ARHGAP10: variants seen among roughly 807,000 people sequenced by gnomAD.
The protein encoded by ARHGAP10 is rho GTPase-activating protein 10.
ARHGAP10 carries 87 observed loss-of-function variants against 108.6 expected under a neutral mutation model. That is an observed-to-expected ratio of 0.80 (90% confidence interval 0.67 to 0.96). The LOEUF (loss-of-function observed/expected upper bound fraction) is 0.96, where lower values mean the gene tolerates loss of function less well. Among genes scored for constraint, ARHGAP10 ranks in the 40% least tolerant of loss-of-function variants. The pLI, the probability that ARHGAP10 is intolerant of heterozygous loss-of-function variation, is 0.00. For missense variants in ARHGAP10, 939 were observed against 954.5 expected (o/e 0.98, Z 0.21); for synonymous variants, 347 against 341.1 (o/e 1.02, Z -0.19).
chr4:147,775,450 G>A (rs971861412), intron 1 of ARHGAP10, among the ~76,000 whole-genome samples: 6 of 152,186 alleles, frequency 3.9e-5, no homozygotes, highest in African/African-American at 1.4e-4. Context: ...AGCTTCAGGG[G>A]CCAGTGACAG....
intron 3 of ARHGAP10, among the ~76,000 whole-genome samples, chr4:147,824,797 A>G (rs1419943603): frequency 1.3e-5 from 2 of 152,172 alleles, no homozygotes; most frequent in African/African-American, 4.8e-5. Flanking sequence ...TGTGGGGATT[A>G]TGGAGTTTAC....
chr4:147,788,239 G>A (rs1298520078), intron 1 of ARHGAP10, among the ~76,000 whole-genome samples: 1 of 152,074 alleles, frequency 6.6e-6, no homozygotes, highest in Non-Finnish European at 1.5e-5. Flanking sequence ...GAGGTTAGGA[G>A]TTTGAGACCA....
intron 1 of ARHGAP10, among the ~76,000 whole-genome samples, chr4:147,774,936 C>T (rs1347204024): frequency 4.8e-5 from 7 of 146,974 alleles, no homozygotes; most frequent in African/African-American, 7.7e-5. Flanking sequence ...GACGGAGTTT[C>T]GCCCTTTTGT....
Position 147,939,919 on chromosome 4 carries a change from AT to A in ARHGAP10, c.1303+25del. On this transcript the variant is annotated intron_variant, in intron 14 of 22. Coordinates refer to ENST00000336498, the MANE Select transcript of ARHGAP10 (RefSeq NM_024605.4). ...TGATGGGTATGCCTCTTTTCTAATC[AT>A]TTTTCCATGTGTTATTTGTGTATGT... The A allele has an allele frequency of 1.3e-6, 2 of 1,595,324 alleles. No individual in the cohort carries two copies. The highest frequency in any genetic ancestry group is 1.1e-5 in the South Asian group (1 of 89,966).
In ARHGAP10 at chr4:148,060,454, C is replaced by T. The variant is rs1429529063; in HGVS notation, c.2028-2694C>T. 3.3e-5 allele frequency among the ~76,000 whole-genome samples: 5 copies of T among 151,406 alleles called. No homozygotes were observed. The South Asian group carries it at 1.0e-3, about 32-fold the overall frequency. On this transcript the variant is annotated intron_variant, in intron 20 of 22. Coordinates refer to ENST00000336498, the MANE Select transcript of ARHGAP10 (RefSeq NM_024605.4). ...ACGTGTACTGGCTTTAGATGTGAAC[C>T]CATTACACGACTTAAGTATATTTAC...
chr4:148,052,987 T>C (rs1295739758), intron 20 of ARHGAP10, among the ~76,000 whole-genome samples: 1 of 152,156 alleles, frequency 6.6e-6, no homozygotes, highest in Non-Finnish European at 1.5e-5. Flanking sequence ...TTAGATACCC[T>C]CTTGGCACTT....
intron 18 of ARHGAP10, among the ~76,000 whole-genome samples, chr4:147,968,722 T>C (rs540244952): frequency 6.6e-6 from 1 of 152,376 alleles, no homozygotes; most frequent in Non-Finnish European, 1.5e-5. Context: ...ATAACATTCC[T>C]GACTTCTGCC....
At chr4:147,979,916 A>G (rs1008511730) in intron 18 of ARHGAP10, among the ~76,000 whole-genome samples, 3 of 152,168 alleles carry the variant, frequency 2.0e-5, no homozygotes, top group East Asian at 1.9e-4. Context: ...TGAAGTTGTT[A>G]ATCAGATCTA....
rs913842185 is a variant in ARHGAP10, at chr4:148,047,035, G to A, written c.2011G>A (p.Asp671Asn). The A allele has an allele frequency of 6.2e-7, 1 of 1,614,174 alleles. No individual in the cohort carries two copies. The highest frequency in any genetic ancestry group is 1.6e-4 in the Middle Eastern group (1 of 6,062). Residue 671 changes from aspartate (D) to asparagine (N), a missense_variant, in exon 20 of 23, where the codon GAC (aspartate) becomes AAC (asparagine). Asp to Asn is a conservative substitution (Grantham distance 23, BLOSUM62 1). Coordinates refer to ENST00000336498, the MANE Select transcript of ARHGAP10 (RefSeq NM_024605.4). ...HLLADGGSFG[D>N]WASTIPGQTR... ...TCTGGCAGATGGAGGGAGCTTTGGA[G>A]ACTGGGCATCCACTATGTAAGTAAC...
At chr4:147,795,946 G>T (rs1368024639) in intron 1 of ARHGAP10, among the ~76,000 whole-genome samples, 1 of 152,016 alleles carries the variant, frequency 6.6e-6, no homozygotes, top group Non-Finnish European at 1.5e-5. Flanking sequence ...GCCCACCTCG[G>T]CCTCTCAAAG....
intron 1 of ARHGAP10, among the ~76,000 whole-genome samples, chr4:147,741,792 GCACACA>G (rs112095776): frequency 0.011 from 606 of 57,634 alleles, 7 homozygotes; most frequent in African/African-American, 0.018. Context: ...ACACACACAC[GCACACA>G]CACACACACA....
intron 10 of ARHGAP10, among the ~76,000 whole-genome samples, chr4:147,903,782 G>A (rs547831517): frequency 6.6e-6 from 1 of 152,300 alleles, no homozygotes; most frequent in East Asian, 1.9e-4. Flanking sequence ...TCATGGCTCA[G>A]TAGCTCATTT....
intron 10 of ARHGAP10, among the ~76,000 whole-genome samples, chr4:147,905,940 G>A (rs577230257): frequency 1.3e-5 from 2 of 152,134 alleles, no homozygotes; most frequent in Non-Finnish European, 2.9e-5. Flanking sequence ...CCTTGAAGAG[G>A]TCCTTCACGT....
chr4:147,764,653 C>T (rs1291936849), intron 1 of ARHGAP10, among the ~76,000 whole-genome samples: 1 of 152,132 alleles, frequency 6.6e-6, no homozygotes, highest in Non-Finnish European at 1.5e-5. Context: ...CGTGCCTCAG[C>T]CTCCCAAGTA....
At position 147,784,999 on chromosome 4, in the gene ARHGAP10, AAT is replaced by A. The variant is rs1034135487; in HGVS notation, c.155-37723_155-37722del. On this transcript the variant is annotated intron_variant, in intron 1 of 22. Transcript: ENST00000336498. ...TTATATTTTAAAATATATATTATGAAATATATGTTATATATTATAAAATATAT... is the reference window on the plus strand; with the variant it reads ...TTATATTTTAAAATATATATTATGAAATATGTTATATATTATAAAATATAT... 4.4e-5 allele frequency among the ~76,000 whole-genome samples: 6 copies of A among 137,566 alleles called. No homozygotes were observed. The East Asian group carries it at 6.0e-4, about 14-fold the overall frequency. The allele number at this position is 137,566 out of a possible 152,430, so 90.2% of individuals were successfully genotyped here. A position where few individuals can be genotyped will look rare whatever the true frequency, so the allele number is the denominator to read the frequency against.
chr4:147,795,553 G>A lies in ARHGAP10; in HGVS notation c.155-27174G>A, dbSNP rs149933790. ...CAGCAGTTTACAAACGCAACTTCTGGAGTGTGAGCTCTTTGAAGGTAGGAG... is the reference window on the plus strand; with the variant it reads ...CAGCAGTTTACAAACGCAACTTCTGAAGTGTGAGCTCTTTGAAGGTAGGAG... On this transcript the variant is annotated intron_variant, in intron 1 of 22. Coordinates refer to ENST00000336498, the MANE Select transcript of ARHGAP10 (RefSeq NM_024605.4). 6.6e-5 allele frequency among the ~76,000 whole-genome samples: 10 copies of A among 152,238 alleles called. No homozygotes were observed. In the East Asian group the frequency reaches 1.9e-3, roughly 29 times the overall value.
In ARHGAP10 at chr4:148,049,800, T is replaced by TTTTG. The variant is rs903133481; in HGVS notation, c.2027+2769_2027+2772dup. On this transcript the variant is annotated intron_variant, in intron 20 of 22. Coordinates refer to ENST00000336498, the MANE Select transcript of ARHGAP10 (RefSeq NM_024605.4). ...CCAAGCTAGATCATAAAATTGTTTT[T>TTTTG]TTTGTTTGTTTGTTTGTTTGTTTTT... Among the ~76,000 whole-genome samples the TTTTG allele has an allele frequency of 2.9e-3, 419 of 146,382 alleles. 2 individuals carry two copies. The highest frequency in any genetic ancestry group is 7.3e-3 in the African/African-American group (290 of 39,716).
chr4:147,935,285 C>T (rs1737879344), intron 13 of ARHGAP10, among the ~76,000 whole-genome samples: 1 of 152,156 alleles, frequency 6.6e-6, no homozygotes, highest in South Asian at 2.1e-4. Context: ...GATCTGAAGG[C>T]TGGCTCTTAA....
intron 1 of ARHGAP10, among the ~76,000 whole-genome samples, chr4:147,820,871 G>A (rs940673113): frequency 6.6e-6 from 1 of 152,040 alleles, no homozygotes; most frequent in Non-Finnish European, 1.5e-5. Context: ...GATGACAGGC[G>A]TGAACCACCA....
Sources: allele counts gnomAD v4.1 joint callset (sites outside exome capture counted in the v4.1 genomes callset), GRCh38; gene constraint gnomAD v4.1.1; transcripts MANE v1.5; gene names NCBI Gene and HGNC (gene_info 2026-07-23, HGNC 2026-07-21).